CNTN5: variants seen among roughly 807,000 people sequenced by gnomAD.
The protein encoded by CNTN5 is contactin-5.
In CNTN5, 77 loss-of-function variants were observed where a neutral mutation model predicts 129.1. That is an observed-to-expected ratio of 0.60 (90% CI 0.50 to 0.72). The LOEUF (loss-of-function observed/expected upper bound fraction) is 0.72, where lower values mean the gene tolerates loss of function less well. Among genes scored for constraint, CNTN5 ranks in the 30% least tolerant of loss-of-function variants. The pLI is 0.00. For synonymous variants in CNTN5, 509 were observed against 465.6 expected, an observed-to-expected ratio of 1.09 and a Z score of -1.20; for missense variants, 1,478 against 1,328.8, an observed-to-expected ratio of 1.11 and a Z score of -1.75.
intron 2 of CNTN5, among the ~76,000 whole-genome samples, chr11:99,410,241 C>T (rs1037482807): frequency 6.6e-6 from 1 of 152,080 alleles, no homozygotes; most frequent in African/African-American, 2.4e-5. Flanking sequence ...AATTTAAGTT[C>T]AATACACAAG....
intron 1 of CNTN5, among the ~76,000 whole-genome samples, chr11:99,153,488 GT>G (rs201731146): frequency 0.11 from 15,595 of 139,986 alleles, 974 homozygotes; most frequent in East Asian, 0.34. Context: ...ATCAGATCAG[GT>G]TTTTTTTTTT....
intron 3 of CNTN5, among the ~76,000 whole-genome samples, chr11:99,557,417 C>CA (rs1948708348): frequency 6.6e-6 from 1 of 151,046 alleles, no homozygotes; most frequent in Admixed American, 6.6e-5. Context: ...TACTATGCAA[C>CA]AAAAATATCT....
chr11:100,164,293 T>G (rs1042696646), intron 13 of CNTN5, among the ~76,000 whole-genome samples: 3 of 151,882 alleles, frequency 2.0e-5, no homozygotes, highest in Non-Finnish European at 2.9e-5. Flanking sequence ...TGTATACTTT[T>G]AATGTGGTTC....
At chr11:100,190,179 G>A (rs564355601) in intron 13 of CNTN5, among the ~76,000 whole-genome samples, 1 of 152,144 alleles carries the variant, frequency 6.6e-6, no homozygotes, top group South Asian at 2.1e-4. Context: ...TTAGAATCAG[G>A]AGGATCCAAT....
intron 1 of CNTN5, among the ~76,000 whole-genome samples, chr11:99,320,458 A>T (rs1001375527): frequency 2.6e-5 from 4 of 152,132 alleles, no homozygotes; most frequent in African/African-American, 9.7e-5. Context: ...GAAAAAAGAG[A>T]CATAAATTTG....
chr11:99,794,203 G>A (rs187531548), intron 3 of CNTN5, among the ~76,000 whole-genome samples: 18 of 141,358 alleles, frequency 1.3e-4, no homozygotes, highest in East Asian at 6.2e-4. Flanking sequence ...TTTAATCTTC[G>A]TAGGCTTACA....
intron 2 of CNTN5, among the ~76,000 whole-genome samples, chr11:99,371,164 CTTTG>C (rs1939797616): frequency 6.6e-6 from 1 of 151,946 alleles, no homozygotes; most frequent in South Asian, 2.1e-4. Context: ...GTGAAGAAAT[CTTTG>C]TTGAAAGAGG....
intron 13 of CNTN5, among the ~76,000 whole-genome samples, chr11:100,140,716 C>T (rs1285571853): frequency 1.3e-5 from 2 of 152,102 alleles, no homozygotes; most frequent in Non-Finnish European, 2.9e-5. Flanking sequence ...ATATTAAAAT[C>T]ACCAAGAATT....
chr11:99,051,418 T>C lies in CNTN5; in HGVS notation c.-210+30148T>C, dbSNP rs1864421763. Among the ~76,000 whole-genome samples the C allele has an allele frequency of 4.6e-5, 7 of 152,078 alleles. No individual in the cohort carries two copies. The South Asian group carries it at 1.4e-3, about 31-fold the overall frequency. Reference sequence around the variant, plus strand: ...GACTGCAGCCAATGGTGCTTATGTCTGAAAGTACAGCATTTATTTGGGATA... The same window carrying C: ...GACTGCAGCCAATGGTGCTTATGTCCGAAAGTACAGCATTTATTTGGGATA... On this transcript the variant is annotated intron_variant, in intron 1 of 24. Transcript: ENST00000524871.
At chr11:99,027,627 T>C (rs1406061461) in intron 1 of CNTN5, among the ~76,000 whole-genome samples, 1 of 151,802 alleles carries the variant, frequency 6.6e-6, no homozygotes, top group East Asian at 1.9e-4. Context: ...TCATATAAAT[T>C]GTTTTAGAAT....
rs1176825115 is a variant in CNTN5 at position 99,027,438 on chromosome 11, C to T, written c.-210+6168C>T. Among the ~76,000 whole-genome samples, 3 of 151,574 alleles carry T rather than the reference C, an allele frequency of 2.0e-5. No individual in the cohort carries two copies. The East Asian group carries it at 5.8e-4, about 29-fold the overall frequency. ...TTTGATAATAAAGCAGAGAATATATCTCTTGAAATATGCACTACTTTTCTG... is the reference window on the plus strand; with the variant it reads ...TTTGATAATAAAGCAGAGAATATATTTCTTGAAATATGCACTACTTTTCTG... On this transcript the variant is annotated intron_variant, in intron 1 of 24. Coordinates refer to ENST00000524871, the MANE Select transcript of CNTN5 (RefSeq NM_014361.4).
chr11:99,397,350 T>C (rs912128825), intron 2 of CNTN5, among the ~76,000 whole-genome samples: 13 of 151,806 alleles, frequency 8.6e-5, no homozygotes, highest in African/African-American at 3.1e-4. Flanking sequence ...GATTTTTCTA[T>C]GTAACTACTC....
intron 13 of CNTN5, among the ~76,000 whole-genome samples, chr11:100,169,635 G>T (rs113408141): frequency 0.011 from 1,634 of 152,060 alleles, 22 homozygotes; most frequent in African/African-American, 0.037. Flanking sequence ...CCACAGTATA[G>T]TATAACAATA....
At chr11:99,791,243 C>A (rs1671566177) in intron 3 of CNTN5, among the ~76,000 whole-genome samples, 1 of 151,902 alleles carries the variant, frequency 6.6e-6, no homozygotes, top group Non-Finnish European at 1.5e-5. Flanking sequence ...CATGGTATTT[C>A]CTAGGTTATC....
At chr11:99,601,948 T>C (rs1950323848) in intron 3 of CNTN5, among the ~76,000 whole-genome samples, 1 of 152,312 alleles carries the variant, frequency 6.6e-6, no homozygotes, top group Non-Finnish European at 1.5e-5. Flanking sequence ...ATCTACAAAA[T>C]GCATAACCAT....
intron 1 of CNTN5, among the ~76,000 whole-genome samples, chr11:99,198,608 A>C (rs531454589): frequency 9.8e-5 from 15 of 152,314 alleles, no homozygotes; most frequent in Admixed American, 5.9e-4. Context: ...TTCAACTTTT[A>C]ATCACAAAGC....
chr11:99,628,500 A>G (rs2135791110), intron 3 of CNTN5, among the ~76,000 whole-genome samples: 1 of 152,060 alleles, frequency 6.6e-6, no homozygotes, highest in Non-Finnish European at 1.5e-5. Flanking sequence ...GTTGGCTGCA[A>G]TGTACCGTGT....
intron 1 of CNTN5, among the ~76,000 whole-genome samples, chr11:99,148,967 G>C (rs1859918797): frequency 6.6e-6 from 1 of 151,030 alleles, no homozygotes; most frequent in South Asian, 2.1e-4. Flanking sequence ...ATTTGTATGA[G>C]AGAGTTTTAG....
At chr11:99,819,870 A>G (rs1174269778) in intron 4 of CNTN5, 105 bp downstream of exon 4, 2 of 746,288 alleles carry the variant, frequency 2.7e-6, no homozygotes, top group Non-Finnish European at 4.3e-6. Context: ...GGAGAGAGTG[A>G]TTGAACTCAA....
Sources: allele counts gnomAD v4.1 joint callset (sites outside exome capture counted in the v4.1 genomes callset), GRCh38; gene constraint gnomAD v4.1.1; transcripts MANE v1.5; gene names NCBI Gene and HGNC (gene_info 2026-07-23, HGNC 2026-07-21).